Variants in LMO1 observed in about 807,000 individuals in gnomAD.
LMO1 encodes the protein LIM domain only 1.
Under a neutral mutation model 18.0 loss-of-function variants are expected in LMO1, and 10 were observed. That is an observed-to-expected ratio of 0.55 (90% confidence interval 0.34 to 0.94). The LOEUF is 0.94. Among genes scored for constraint, LMO1 ranks in the 40% least tolerant of loss-of-function variants. The probability of loss-of-function intolerance (pLI) is 0.02; values close to 1 mark genes in which losing one functional copy is unlikely to be tolerated. For synonymous variants in LMO1, 77 were observed against 77.9 expected (o/e 0.99, Z 0.06); for missense variants, 183 against 205.7 (o/e 0.89, Z 0.68).
chr11:8,246,415 T>C (rs1390602556), intron 1 of LMO1, among the ~76,000 whole-genome samples: 3 of 152,194 alleles, frequency 2.0e-5, no homozygotes, highest in African/African-American at 4.8e-5. Context: ...TTGCAAACAT[T>C]ATGCCAAGAA....
At chr11:8,260,036 G>C (rs1022084499) in intron 1 of LMO1, among the ~76,000 whole-genome samples, 1 of 152,112 alleles carries the variant, frequency 6.6e-6, no homozygotes, top group Non-Finnish European at 1.5e-5. Flanking sequence ...ACCCAGCCCT[G>C]CCCTTCTCCT....
intron 1 of LMO1, among the ~76,000 whole-genome samples, chr11:8,245,565 G>A (rs1484856590): frequency 6.6e-6 from 1 of 152,184 alleles, no homozygotes; most frequent in African/African-American, 2.4e-5. Context: ...TCAGAAAACT[G>A]AAGCCAGCAG....
At chr11:8,253,800 G>A (rs939337657) in intron 1 of LMO1, among the ~76,000 whole-genome samples, 3 of 151,982 alleles carry the variant, frequency 2.0e-5, no homozygotes, top group Non-Finnish European at 4.4e-5. Flanking sequence ...GGTACCCCAC[G>A]AATTTTTCCC....
Position 8,224,516 on chromosome 11 carries a change from C to A in LMO1, c.*100G>T. ...GAGAAGTTCTAATGTGGCAGGAGAG[C>A]GGCTGGCCAGCCTGCACTGGTAGAG... On this transcript the variant is annotated 3_prime_UTR_variant, in exon 4 of 4. Coordinates refer to ENST00000335790, the MANE Select transcript of LMO1 (RefSeq NM_002315.3). 1 of 682,524 alleles carries A rather than the reference C, an allele frequency of 1.5e-6. No homozygotes were observed. Among genetic ancestry groups the A allele is most frequent in the Non-Finnish European group, 2.6e-6 (1 of 390,576 alleles). The allele number at this position is 682,524 out of a possible 1,614,324, so 42.3% of individuals were successfully genotyped here.
intron 1 of LMO1, among the ~76,000 whole-genome samples, chr11:8,244,995 T>C (rs542290275): frequency 3.3e-5 from 5 of 152,344 alleles, no homozygotes; most frequent in Admixed American, 2.6e-4. Context: ...GTGTGCCCTA[T>C]AACCTTCTAC....
upstream of LMO1, among the ~76,000 whole-genome samples, chr11:8,266,151 G>A (rs964312184): frequency 6.6e-6 from 1 of 152,198 alleles, no homozygotes; most frequent in Non-Finnish European, 1.5e-5. Flanking sequence ...GCCCACAGGT[G>A]GCTCTTTCTG....
chr11:8,245,967 G>C (rs1846886095), intron 1 of LMO1, among the ~76,000 whole-genome samples: 1 of 151,962 alleles, frequency 6.6e-6, no homozygotes, highest in African/African-American at 2.4e-5. Flanking sequence ...CAAGGGAGAT[G>C]GGGGAGGTGC....
chr11:8,232,488 G>A (rs145581698), intron 1 of LMO1, among the ~76,000 whole-genome samples: 9 of 152,296 alleles, frequency 5.9e-5, no homozygotes, highest in Admixed American at 2.0e-4. Flanking sequence ...GGGAAATGAG[G>A]GGCCTCCCAG....
At chr11:8,266,120 C>T (rs1264969737), upstream of LMO1, among the ~76,000 whole-genome samples, 1 of 152,206 alleles carries the variant, frequency 6.6e-6, no homozygotes, top group Non-Finnish European at 1.5e-5. Context: ...GGCATGCCAG[C>T]AGGGGACTGG....
At chr11:8,231,090 C>T (rs544879489) in intron 1 of LMO1, among the ~76,000 whole-genome samples, 91 of 152,274 alleles carry the variant, frequency 6.0e-4, no homozygotes, top group African/African-American at 2.1e-3. Context: ...GGCAGGTAAG[C>T]GGAGGCAGCT....
intron 1 of LMO1, among the ~76,000 whole-genome samples, chr11:8,231,266 CA>C (rs1952652574): frequency 6.6e-6 from 1 of 152,218 alleles, no homozygotes; most frequent in Non-Finnish European, 1.5e-5. Flanking sequence ...ACCAGCTTCC[CA>C]ACATACACAC....
In LMO1 at chr11:8,262,923, G is replaced by T. The variant is rs562702469; in HGVS notation, c.25+415C>A. ...TTTGCTCGGCGCTCAGCGCCTCTCG[G>T]GTTACGCGGCGGCTGGCGCGAGGGT... On this transcript the variant is annotated intron_variant, in intron 1 of 3. Coordinates refer to ENST00000335790, the MANE Select transcript of LMO1 (RefSeq NM_002315.3). 1.1e-3 allele frequency among the ~76,000 whole-genome samples: 175 copies of T among 152,374 alleles called. 1 individual carries two copies. The highest frequency in any genetic ancestry group is 2.0e-3 in the Non-Finnish European group (133 of 68,038).
chr11:8,246,903 TGGGATGAAA>T (rs1385252884), intron 1 of LMO1, among the ~76,000 whole-genome samples: 16 of 152,166 alleles, frequency 1.1e-4, no homozygotes, highest in Non-Finnish European at 2.2e-4. Flanking sequence ...ATCCCCCTGC[TGGGATGAAA>T]GGGATGAAAG....
intron 1 of LMO1, among the ~76,000 whole-genome samples, chr11:8,253,005 G>A (rs543901437): frequency 9.3e-4 from 141 of 152,220 alleles, no homozygotes; most frequent in Non-Finnish European, 1.6e-3. Context: ...TTGAGAGGGG[G>A]CCCTGCAGAC....
At chr11:8,235,001 T>G (rs558811574) in intron 1 of LMO1, among the ~76,000 whole-genome samples, 37 of 152,282 alleles carry the variant, frequency 2.4e-4, no homozygotes, top group Non-Finnish European at 4.4e-4. Flanking sequence ...CCTTTCTGAC[T>G]GGCATGTGTG....
At chr11:8,239,594 T>A (rs76051300) in intron 1 of LMO1, among the ~76,000 whole-genome samples, 3,674 of 149,216 alleles carry the variant, frequency 0.025, 51 homozygotes, top group African/African-American at 0.038. Context: ...GCTATAATGA[T>A]GGCAGGAGCC....
At chr11:8,251,661 G>C (rs1438959246) in intron 1 of LMO1, among the ~76,000 whole-genome samples, 1 of 152,142 alleles carries the variant, frequency 6.6e-6, no homozygotes, top group Non-Finnish European at 1.5e-5. Flanking sequence ...TGGTCCAGGG[G>C]TGTGTGTTTG....
At chr11:8,268,392 C>T (rs1259216592), upstream of LMO1, 1 of 1,460,860 alleles carries the variant, frequency 6.8e-7, no homozygotes, top group South Asian at 1.3e-5. Flanking sequence ...GTCCCGCGTG[C>T]CCCCGGGCAC....
At chr11:8,256,101 A>G (rs1847092982) in intron 1 of LMO1, among the ~76,000 whole-genome samples, 1 of 152,202 alleles carries the variant, frequency 6.6e-6, no homozygotes, top group Non-Finnish European at 1.5e-5. Context: ...CTGGGATTAT[A>G]GGCGTGAGCC....
Sources: allele counts gnomAD v4.1 joint callset (sites outside exome capture counted in the v4.1 genomes callset), GRCh38; gene constraint gnomAD v4.1.1; transcripts MANE v1.5; gene names NCBI Gene and HGNC (gene_info 2026-07-23, HGNC 2026-07-21).